Variants in A1BG observed in about 807,000 individuals in gnomAD.
A1BG encodes alpha-1-B glycoprotein, also known as alpha-1B-glycoprotein.
A neutral mutation model predicts 46.0 loss-of-function variants in A1BG; 44 were observed. The ratio of observed to expected loss-of-function variants is 0.96; its 90% CI spans 0.75 to 1.23. A1BG has a LOEUF of 1.23. Ranked by LOEUF, A1BG falls within the 50% of genes most tolerant of loss-of-function variation. A1BG has a pLI of 0.00. For missense variants in A1BG, 707 were observed against 688.8 expected, an observed-to-expected ratio of 1.03 and a Z score of -0.30; for synonymous variants, 316 against 314.7, an observed-to-expected ratio of 1.00 and a Z score of -0.04.
chr19:58,347,656 G>C lies in A1BG; in HGVS notation c.1193-16C>G, dbSNP rs1228810065. Reference sequence around the variant, plus strand: ...GGAGGGGGTCCTGGGCGGAGCGGGCGGGTGGTCGGGCCAGGCCACGCCCCA... The same window carrying C: ...GGAGGGGGTCCTGGGCGGAGCGGGCCGGTGGTCGGGCCAGGCCACGCCCCA... On this transcript the variant is annotated splice_polypyrimidine_tract_variant and intron_variant, in intron 6 of 7. Coordinates refer to ENST00000263100, the MANE Select transcript of A1BG (RefSeq NM_130786.4). 3.7e-6 allele frequency: 5 copies of C among 1,369,014 alleles called. No homozygotes were observed. Among genetic ancestry groups the C allele is most frequent in the Non-Finnish European group, 4.6e-6 (5 of 1,076,286 alleles). 84.8% of individuals were successfully genotyped at this position (1,369,014 alleles called of 1,614,324 possible). A position where few individuals can be genotyped will look rare whatever the true frequency, so the allele number is the denominator to read the frequency against.
At chr19:58,347,119 C>T (rs1409190629) in intron 7 of A1BG, 90 bp from the exon 8 acceptor site, 31 of 1,525,016 alleles carry the variant, frequency 2.0e-5, no homozygotes, top group South Asian at 8.1e-5. Flanking sequence ...CCCTGACGCC[C>T]CCCCGGAAGG....
intron 4 of A1BG, chr19:58,352,027 C>T (rs1352893205): frequency 7.1e-6 from 9 of 1,268,290 alleles, no homozygotes; most frequent in Non-Finnish European, 8.4e-6. Flanking sequence ...ATCTCTTGAC[C>T]TCATGATCCG....
chr19:58,351,249 G>A, intron 5 of A1BG, 142 bp downstream of exon 5: 1 of 1,041,102 alleles, frequency 9.6e-7, no homozygotes, highest in Admixed American at 2.0e-5. Flanking sequence ...TGCAGTTTAG[G>A]ACCCTGAATC....
At chr19:58,351,355 C>T in intron 5 of A1BG, 36 bp downstream of exon 5, 5 of 1,597,304 alleles carry the variant, frequency 3.1e-6, no homozygotes, top group Non-Finnish European at 4.3e-6. Context: ...CCCCAGGGAC[C>T]CAGCCGCGTC....
In A1BG at chr19:58,347,432, G is replaced by A. The variant is rs1042821006; in HGVS notation, c.1401C>T (p.Asn467=). ...LIFVGPQHAG[N]YRCRYRSWVP... is the part of the protein sequence containing the mutation. The stretch of plus-strand genomic sequence containing the variant: ...CCCAGGAGCGGTAGCGGCACCTGTA[G>A]TTGCCGGCGTGCTGGGGCCCCACGA... Residue 467 remains asparagine (N), a synonymous_variant, in exon 7 of 8, where the codon AAC becomes AAT. Transcript: ENST00000263100. 1 of 1,610,090 alleles carries A rather than the reference G, an allele frequency of 6.2e-7. No homozygotes were observed. The highest frequency in any genetic ancestry group is 8.5e-7 in the Non-Finnish European group (1 of 1,178,428).
chr19:58,352,869 AC>A (rs754768407), intron 3 of A1BG, 58 bp downstream of exon 3: 2 of 1,547,164 alleles, frequency 1.3e-6, no homozygotes, highest in South Asian at 1.2e-5. Context: ...AGGAAGGGAG[AC>A]CCCCCAGTCA....
In A1BG at chr19:58,346,903, G is replaced by T; in HGVS notation, c.*119C>A. The T allele has an allele frequency of 9.6e-7, 1 of 1,037,548 alleles. No homozygotes were observed. The highest frequency in any genetic ancestry group is 1.5e-6 in the Non-Finnish European group (1 of 653,888). 64.3% of individuals were successfully genotyped at this position (1,037,548 alleles called of 1,614,324 possible). On this transcript the variant is annotated 3_prime_UTR_variant, in exon 8 of 8. Transcript: ENST00000263100. Reference sequence around the variant, plus strand: ...TTTATTAATTCCTGGGAGGAATGAGGGAGGCTTCTCCAGCCCCCCAGAGAC... The same window carrying T: ...TTTATTAATTCCTGGGAGGAATGAGTGAGGCTTCTCCAGCCCCCCAGAGAC...
chr19:58,351,684 G>A lies in A1BG; in HGVS notation c.617C>T (p.Ala206Val), dbSNP rs1273659734. 2 of 1,583,720 alleles carry A rather than the reference G, an allele frequency of 1.3e-6. No individual in the cohort carries two copies. The highest frequency in any genetic ancestry group is 1.7e-6 in the Non-Finnish European group (2 of 1,165,192). ...GTGCATCAGCACAGGCGGTGGTGGT[G>A]CAGCTGCAATGCAGGCAGCATTACT... is the stretch of plus-strand genomic sequence containing the variant. ...SATVTIEELAAPPPPVLMHHG... is the reference protein window; with the variant it reads ...SATVTIEELAVPPPPVLMHHG... Residue 206 changes from alanine (A) to valine (V), a missense_variant, in exon 5 of 8, where the codon GCA (alanine) becomes GTA (valine). Physicochemically the swap from Ala to Val is moderately conservative, Grantham distance 64 (BLOSUM62 0). Transcript: ENST00000263100.
chr19:58,351,933 C>T, intron 4 of A1BG: 1 of 711,702 alleles, frequency 1.4e-6, no homozygotes, highest in Non-Finnish European at 2.2e-6. Context: ...GTAGCTGGTA[C>T]TACAGGCACC....
intron 3 of A1BG, 119 bp from the exon 4 acceptor site, chr19:58,352,674 G>A: frequency 7.3e-7 from 1 of 1,364,604 alleles, no homozygotes; most frequent in South Asian, 1.4e-5. Context: ...GGGCATTGCT[G>A]GGAAAAGGCA....
intron 6 of A1BG, chr19:58,349,228 G>C (rs1232544890): frequency 1.3e-5 from 2 of 152,044 alleles, no homozygotes; most frequent in African/African-American, 4.8e-5. Flanking sequence ...ATGTTGGCCA[G>C]GCTGCTCTTG....
chr19:58,352,829 C>A, intron 3 of A1BG, 99 bp downstream of exon 3: 1 of 1,483,010 alleles, frequency 6.7e-7, no homozygotes, highest in Non-Finnish European at 9.0e-7. Flanking sequence ...AAGATTGGGG[C>A]TTGGGGCTCA....
chr19:58,353,245 C>T (rs1257958750), intron 2 of A1BG, 47 bp downstream of exon 2: 3 of 1,612,398 alleles, frequency 1.9e-6, no homozygotes, highest in Non-Finnish European at 2.5e-6. Context: ...GACAGGGCTC[C>T]CCCCCGGCCT....
At position 58,346,972 on chromosome 19, in the gene A1BG, A is replaced by G; in HGVS notation, c.*50T>C. The G allele has an allele frequency of 1.2e-6, 2 of 1,611,838 alleles. No individual in the cohort carries two copies. Among genetic ancestry groups the G allele is most frequent in the Non-Finnish European group, 1.7e-6 (2 of 1,178,006 alleles). The stretch of plus-strand genomic sequence containing the variant: ...CAGGAGGGGAGGGAGCCAGTCCAGA[A>G]TCCCCGGCACTTCTGAGGACACCAA... On this transcript the variant is annotated 3_prime_UTR_variant, in exon 8 of 8. Coordinates refer to ENST00000263100, the MANE Select transcript of A1BG (RefSeq NM_130786.4).
intron 6 of A1BG, 133 bp from the exon 7 acceptor site, chr19:58,347,773 G>A: frequency 2.0e-6 from 1 of 507,120 alleles, no homozygotes; most frequent in Non-Finnish European, 3.0e-6. Context: ...TCTTGTTCCT[G>A]GGCGCAGAGG....
chr19:58,347,568 C>G lies in A1BG; in HGVS notation c.1265G>C (p.Arg422Pro), dbSNP rs1364963747. The G allele has an allele frequency of 3.2e-6, 5 of 1,544,324 alleles. No homozygotes were observed. The South Asian group carries it at 4.8e-5, about 15-fold the overall frequency. The change falls in exon 7 of 8, where the codon CGC (arginine) becomes CCC (proline). Residue 422 changes from arginine to proline, a missense_variant. Arg to Pro is a moderately radical substitution (Grantham distance 103). Transcript: ENST00000263100. ...AVLAGRDAVL[R>P]CEGPIPDVTF... ...GACGTCGGGGATGGGTCCCTCGCAGCGCAGGACGGCATCTCGGCCCGCCAG... is the reference window on the plus strand; with the variant it reads ...GACGTCGGGGATGGGTCCCTCGCAGGGCAGGACGGCATCTCGGCCCGCCAG...
Position 58,347,585 on chromosome 19 carries a change from G to T in A1BG, c.1248C>A (p.Gly416=). 2 of 1,522,310 alleles carry T rather than the reference G, an allele frequency of 1.3e-6. No individual in the cohort carries two copies. The highest frequency in any genetic ancestry group is 2.0e-5 in the Admixed American group (1 of 48,986). The allele number at this position is 1,522,310 out of a possible 1,614,324, so 94.3% of individuals were successfully genotyped here. ...CCTCGCAGCGCAGGACGGCATCTCG[G>T]CCCGCCAGGACCGCCCCACTCCACG... The part of the protein sequence containing the change: ...RATWSGAVLA[G]RDAVLRCEGP... Residue 416 remains glycine (G), a synonymous_variant, in exon 7 of 8, where the codon GGC becomes GGA. Transcript: ENST00000263100.
Position 58,352,963 on chromosome 19 carries a change from G to A in A1BG, c.305C>T (p.Thr102Ile). Residue 102 changes from threonine to isoleucine, a missense_variant, in exon 3 of 8, where the codon ACC becomes ATC. Physicochemically the swap from Thr to Ile is moderately conservative, Grantham distance 89. Transcript: ENST00000263100. Reference sequence around the variant, plus strand: ...CAGCTCCAGGAGCTTGCTCAGCTGGGTCCATCCTGTGGACAAGCCCGAGCG... The same window carrying A: ...CAGCTCCAGGAGCTTGCTCAGCTGGATCCATCCTGTGGACAAGCCCGAGCG... ...RCRSGLSTGW[T>I]QLSKLLELTG... The A allele has an allele frequency of 1.2e-6, 2 of 1,613,814 alleles. No individual in the cohort carries two copies.
rs1027006415 is a variant in A1BG at position 58,347,489 on chromosome 19, G to A, written c.1344C>T (p.Thr448=). 6.3e-7 allele frequency: 1 copy of A among 1,595,794 alleles called. No homozygotes were observed. Among genetic ancestry groups the A allele is most frequent in the African/African-American group, 1.3e-5 (1 of 74,128 alleles). The part of the protein sequence containing the change: ...GETKAVKTVR[T]PGAAANLELI... The stretch of plus-strand genomic sequence containing the variant: ...GCTCGAGGTTCGCCGCGGCCCCGGG[G>A]GTGCGGACCGTCTTCACGGCCTTCG... The change falls in exon 7 of 8, where the codon ACC becomes ACT. Residue 448 remains threonine, a synonymous_variant. Transcript: ENST00000263100.
Sources: allele counts gnomAD v4.1 joint callset, GRCh38; gene constraint gnomAD v4.1.1; transcripts MANE v1.5; gene names NCBI Gene and HGNC (gene_info 2026-07-23, HGNC 2026-07-21).